The following WWTR1 variants were observed in gnomAD, a reference collection of about 807,000 sequenced individuals.
WWTR1 encodes the protein WW domain containing transcription regulator 1.
WWTR1 carries 13 observed loss-of-function variants against 40.1 expected under a neutral mutation model. The ratio of observed to expected loss-of-function variants is 0.32; its 90% CI spans 0.21 to 0.52. WWTR1 has a LOEUF of 0.52. Ranked by LOEUF, WWTR1 falls within the 20% of genes least tolerant of loss-of-function variation. WWTR1 has a pLI of 0.97. For synonymous variants in WWTR1, 230 were observed against 210.1 expected (o/e 1.09, Z -0.82); for missense variants, 436 against 523.1 (o/e 0.83, Z 1.63).
At chr3:149,695,633 C>T (rs116394715) in intron 1 of WWTR1, among the ~76,000 whole-genome samples, 255 of 151,158 alleles carry the variant, frequency 1.7e-3, no homozygotes, top group African/African-American at 4.9e-3. Context: ...TGATGGCAGG[C>T]GCCTGTAATC....
chr3:149,645,786 C>G (rs1354184349), intron 2 of WWTR1, among the ~76,000 whole-genome samples: 1 of 152,032 alleles, frequency 6.6e-6, no homozygotes, highest in Non-Finnish European at 1.5e-5. Flanking sequence ...AAAGCCATCA[C>G]AAATGAATAT....
chr3:149,639,545 C>A (rs1712032029), intron 2 of WWTR1, among the ~76,000 whole-genome samples: 1 of 152,146 alleles, frequency 6.6e-6, no homozygotes, highest in South Asian at 2.1e-4. Flanking sequence ...GCTTGGACAA[C>A]ATGTCTGGTC....
At chr3:149,610,572 T>C in intron 2 of WWTR1, among the ~76,000 whole-genome samples, 1 of 152,196 alleles carries the variant, frequency 6.6e-6, no homozygotes, top group East Asian at 1.9e-4. Context: ...TTGTAAATAG[T>C]AGTTGCTCAA....
chr3:149,540,329 C>T, intron 4 of WWTR1: 1 of 454,988 alleles, frequency 2.2e-6, no homozygotes, highest in Non-Finnish European at 4.4e-6. Context: ...TTCAAAGGCA[C>T]CTACAGCTGG....
At chr3:149,606,554 G>A (rs758161633) in intron 2 of WWTR1, among the ~76,000 whole-genome samples, 18 of 152,014 alleles carry the variant, frequency 1.2e-4, no homozygotes, top group Non-Finnish European at 2.4e-4. Flanking sequence ...TAAATTACAC[G>A]AATAATAGCT....
intron 2 of WWTR1, among the ~76,000 whole-genome samples, chr3:149,609,249 A>G (rs1739627753): frequency 6.6e-6 from 1 of 152,216 alleles, no homozygotes; most frequent in Admixed American, 6.5e-5. Context: ...CAACTCCACC[A>G]GGAAATTTTC....
chr3:149,572,060 C>T (rs1030651635), intron 3 of WWTR1, among the ~76,000 whole-genome samples: 2 of 152,130 alleles, frequency 1.3e-5, no homozygotes, highest in African/African-American at 2.4e-5. Context: ...TATTATCCCA[C>T]GGCAGGTATG....
chr3:149,718,475 A>G (rs1205946014), intron 4 of WWTR1, among the ~76,000 whole-genome samples: 1 of 152,220 alleles, frequency 6.6e-6, no homozygotes, highest in Non-Finnish European at 1.5e-5. Flanking sequence ...ATTATGGTAA[A>G]ATATATGTAA....
At chr3:149,558,124 G>A (rs1356031779) in intron 3 of WWTR1, among the ~76,000 whole-genome samples, 1 of 152,028 alleles carries the variant, frequency 6.6e-6, no homozygotes, top group Non-Finnish European at 1.5e-5. Context: ...TGCCCTCAAT[G>A]AGAAACTTGT....
intron 3 of WWTR1, among the ~76,000 whole-genome samples, chr3:149,555,182 A>G (rs6440621): frequency 0.32 from 48,130 of 152,124 alleles, 10,521 homozygotes; most frequent in East Asian, 0.92. Context: ...ACGGAATGGA[A>G]GAAAAGTTGC....
intron 2 of WWTR1, among the ~76,000 whole-genome samples, chr3:149,616,444 CTTTT>C (rs570202828): frequency 2.8e-5 from 4 of 145,160 alleles, no homozygotes; most frequent in Non-Finnish European, 6.1e-5. Context: ...CTCTCTCTCT[CTTTT>C]TTTTTTTTTC....
intron 3 of WWTR1, among the ~76,000 whole-genome samples, chr3:149,547,836 T>G (rs1736435255): frequency 4.0e-5 from 6 of 151,756 alleles, no homozygotes; most frequent in Admixed American, 3.9e-4. Context: ...CTTTTTTTTT[T>G]TTTTAATAAT....
At chr3:149,592,504 A>G (rs1256424484) in intron 2 of WWTR1, among the ~76,000 whole-genome samples, 1 of 152,226 alleles carries the variant, frequency 6.6e-6, no homozygotes, top group Non-Finnish European at 1.5e-5. Flanking sequence ...TGAAGCCCTG[A>G]TGCCAAAGCA....
chr3:149,633,182 A>G (rs1204797182), intron 2 of WWTR1, among the ~76,000 whole-genome samples: 1 of 152,208 alleles, frequency 6.6e-6, no homozygotes, highest in Non-Finnish European at 1.5e-5. Flanking sequence ...TGAGGCCAAG[A>G]GTTCAAGGAC....
rs1176164039 is a variant in WWTR1, at chr3:149,520,362, T to G, written c.*443A>C. 1 of 153,454 alleles carries G rather than the reference T, an allele frequency of 6.5e-6. No individual in the cohort carries two copies. Among genetic ancestry groups the G allele is most frequent in the Non-Finnish European group, 1.4e-5 (1 of 68,972 alleles). 9.5% of individuals were successfully genotyped at this position (153,454 alleles called of 1,614,324 possible). A position where few individuals can be genotyped will look rare whatever the true frequency, so the allele number is the denominator to read the frequency against. ...TGGTACTACTGTCATCAATACAGTTTTTGAAACTGTAAATCAGGTCGAATT... is the reference window on the plus strand; with the variant it reads ...TGGTACTACTGTCATCAATACAGTTGTTGAAACTGTAAATCAGGTCGAATT... On this transcript the variant is annotated 3_prime_UTR_variant, in exon 7 of 7. Transcript: ENST00000360632.
chr3:149,563,214 G>A (rs1560061899), intron 3 of WWTR1, among the ~76,000 whole-genome samples: 1 of 152,092 alleles, frequency 6.6e-6, no homozygotes. Context: ...AATTAATGTG[G>A]TGCAAACAAA....
At chr3:149,535,850 TA>T (rs1187199676) in intron 4 of WWTR1, among the ~76,000 whole-genome samples, 1 of 151,890 alleles carries the variant, frequency 6.6e-6, no homozygotes, top group Non-Finnish European at 1.5e-5. Flanking sequence ...CCGTCTCTAC[TA>T]AAACACAAAA....
intron 1 of WWTR1, among the ~76,000 whole-genome samples, chr3:149,689,879 T>G (rs532742955): frequency 7.2e-4 from 110 of 152,188 alleles, no homozygotes; most frequent in Non-Finnish European, 1.3e-3. Context: ...ACTAAAGAGA[T>G]GAACCTATCA....
chr3:149,606,433 A>G (rs1739490086), intron 2 of WWTR1, among the ~76,000 whole-genome samples: 2 of 152,240 alleles, frequency 1.3e-5, no homozygotes, highest in East Asian at 3.8e-4. Flanking sequence ...TTCCTCAAAT[A>G]GTAACTGACC....
Sources: allele counts gnomAD v4.1 joint callset (sites outside exome capture counted in the v4.1 genomes callset), GRCh38; gene constraint gnomAD v4.1.1; transcripts MANE v1.5; gene names NCBI Gene and HGNC (gene_info 2026-07-23, HGNC 2026-07-21).